Variants in RFX8 observed in about 807,000 individuals in gnomAD.
RFX8 encodes the protein DNA-binding protein RFX8.
In RFX8, 46 loss-of-function variants were observed where a neutral mutation model predicts 54.6. That is an observed-to-expected ratio of 0.84 (90% confidence interval 0.67 to 1.08). The LOEUF (loss-of-function observed/expected upper bound fraction) is 1.08. RFX8 is among the 50% of genes least tolerant of loss of function. The probability of loss-of-function intolerance (pLI) is 0.00; values close to 1 mark genes in which losing one functional copy is unlikely to be tolerated. For synonymous variants in RFX8, 192 were observed against 209.5 expected (o/e 0.92, Z 0.72); for missense variants, 536 against 562.3 (o/e 0.95, Z 0.47).
chr2:101,446,454 C>T (rs981222205), intron 2 of RFX8, among the ~76,000 whole-genome samples: 2 of 152,086 alleles, frequency 1.3e-5, no homozygotes, highest in Non-Finnish European at 2.9e-5. Flanking sequence ...GATTACAGGC[C>T]TGAGCCACCG....
chr2:101,425,613 G>T (rs1687125933), intron 2 of RFX8, among the ~76,000 whole-genome samples: 2 of 101,522 alleles, frequency 2.0e-5, no homozygotes, highest in African/African-American at 4.0e-5. Flanking sequence ...ATAATAAAGA[G>T]CAAATTCATG....
chr2:101,398,789 A>G (rs1275373237), intron 11 of RFX8, among the ~76,000 whole-genome samples: 1 of 152,198 alleles, frequency 6.6e-6, no homozygotes, highest in Non-Finnish European at 1.5e-5. Flanking sequence ...GATTTCATCA[A>G]TAAACCTCCT....
At chr2:101,436,051 C>T (rs1361243812) in intron 2 of RFX8, among the ~76,000 whole-genome samples, 1 of 152,130 alleles carries the variant, frequency 6.6e-6, no homozygotes. Flanking sequence ...TCACGACCCC[C>T]CTGCTGCATC....
At chr2:101,426,388 A>G (rs978319318) in intron 2 of RFX8, among the ~76,000 whole-genome samples, 1 of 152,136 alleles carries the variant, frequency 6.6e-6, no homozygotes, top group Non-Finnish European at 1.5e-5. Flanking sequence ...GCATGGTGAC[A>G]TACGCCTGTA....
chr2:101,425,385 T>A (rs141103304), intron 2 of RFX8, among the ~76,000 whole-genome samples: 1 of 152,202 alleles, frequency 6.6e-6, no homozygotes, highest in African/African-American at 2.4e-5. Flanking sequence ...GAACTCTAGA[T>A]GTATAACCAG....
At chr2:101,408,874 G>A (rs28587921) in intron 9 of RFX8, among the ~76,000 whole-genome samples, 2,495 of 152,248 alleles carry the variant, frequency 0.016, 85 homozygotes, top group African/African-American at 0.056. Context: ...TCTCAACTGA[G>A]AGTTCAGGGA....
At chr2:101,436,861 T>C (rs1408284163) in intron 2 of RFX8, among the ~76,000 whole-genome samples, 1 of 152,182 alleles carries the variant, frequency 6.6e-6, no homozygotes, top group Non-Finnish European at 1.5e-5. Context: ...AAGGCAACGA[T>C]GCCTGTGCGT....
chr2:101,429,549 C>T (rs2104607773), intron 2 of RFX8, among the ~76,000 whole-genome samples: 1 of 152,258 alleles, frequency 6.6e-6, no homozygotes, highest in East Asian at 1.9e-4. Flanking sequence ...CAGTACGGTG[C>T]ATTTTTTCTT....
At chr2:101,453,853 T>C (rs183483170) in intron 2 of RFX8, among the ~76,000 whole-genome samples, 1 of 152,172 alleles carries the variant, frequency 6.6e-6, no homozygotes, top group African/African-American at 2.4e-5. Context: ...GAGAATGCTA[T>C]AATTTTACCA....
chr2:101,425,899 A>G (rs1362898047), intron 2 of RFX8, among the ~76,000 whole-genome samples: 1 of 152,226 alleles, frequency 6.6e-6, no homozygotes, highest in Non-Finnish European at 1.5e-5. Context: ...ATAATTCAGC[A>G]AAGCAAAGAA....
intron 9 of RFX8, among the ~76,000 whole-genome samples, chr2:101,407,225 T>C (rs1685790154): frequency 6.6e-6 from 1 of 152,222 alleles, no homozygotes; most frequent in African/African-American, 2.4e-5. Context: ...TCTGCCCCAG[T>C]GAAATCCTTG....
At chr2:101,458,347 A>G (rs955180400) in intron 2 of RFX8, among the ~76,000 whole-genome samples, 2 of 152,194 alleles carry the variant, frequency 1.3e-5, no homozygotes, top group Non-Finnish European at 2.9e-5. Context: ...AGTGACTGGT[A>G]TCGGCTGTTT....
chr2:101,450,244 A>G (rs938749047), intron 2 of RFX8, among the ~76,000 whole-genome samples: 29 of 152,102 alleles, frequency 1.9e-4, no homozygotes, highest in Non-Finnish European at 7.4e-5. Context: ...ATTTTGAGAC[A>G]GGGTCTCACT....
intron 2 of RFX8, among the ~76,000 whole-genome samples, chr2:101,432,240 A>G (rs189988007): frequency 6.6e-6 from 1 of 152,308 alleles, no homozygotes; most frequent in Admixed American, 6.5e-5. Context: ...GGCCTCTGCA[A>G]ACAAAGAACC....
intron 2 of RFX8, among the ~76,000 whole-genome samples, chr2:101,451,954 C>T (rs2148973636): frequency 6.6e-6 from 1 of 152,006 alleles, no homozygotes; most frequent in East Asian, 2.0e-4. Flanking sequence ...CTAGCCAGGC[C>T]TGGTGGGACA....
intron 6 of RFX8, among the ~76,000 whole-genome samples, chr2:101,415,535 T>C (rs947274962): frequency 3.3e-5 from 5 of 152,172 alleles, no homozygotes; most frequent in Non-Finnish European, 5.9e-5. Context: ...AACTTTCTCA[T>C]CCTACACTGC....
At chr2:101,415,805 T>C (rs1686462069) in intron 6 of RFX8, among the ~76,000 whole-genome samples, 1 of 152,176 alleles carries the variant, frequency 6.6e-6, no homozygotes, top group Non-Finnish European at 1.5e-5. Flanking sequence ...AGTGCTCCCA[T>C]GCGATGTGCG....
chr2:101,453,312 G>A (rs1688801755), intron 2 of RFX8, among the ~76,000 whole-genome samples: 1 of 150,376 alleles, frequency 6.6e-6, no homozygotes, highest in South Asian at 2.1e-4. Flanking sequence ...GAGAAAAAAA[G>A]AAAACATATC....
chr2:101,462,293 G>A (rs1689327291), intron 2 of RFX8, among the ~76,000 whole-genome samples: 1 of 152,140 alleles, frequency 6.6e-6, no homozygotes, highest in South Asian at 2.1e-4. Flanking sequence ...TTAACCAGGT[G>A]TGGTGGCACA....
Sources: allele counts gnomAD v4.1 joint callset (sites outside exome capture counted in the v4.1 genomes callset), GRCh38; gene constraint gnomAD v4.1.1; transcripts MANE v1.5; gene names NCBI Gene and HGNC (gene_info 2026-07-23, HGNC 2026-07-21).